The following KSR2 variants were observed in gnomAD, a reference collection of about 807,000 sequenced individuals.
The protein encoded by KSR2 is kinase suppressor of ras 2.
Under a neutral mutation model 107.8 loss-of-function variants are expected in KSR2, and 25 were observed. That is an observed-to-expected ratio of 0.23 (90% confidence interval 0.17 to 0.32). The LOEUF is 0.32. Ranked by LOEUF, KSR2 falls within the 10% of genes least tolerant of loss-of-function variation. The probability of loss-of-function intolerance (pLI) is 1.00; values close to 1 mark genes in which losing one functional copy is unlikely to be tolerated. For synonymous variants in KSR2, 480 were observed against 507.0 expected, an observed-to-expected ratio of 0.95 and a Z score of 0.71; for missense variants, 887 against 1,268.9, an observed-to-expected ratio of 0.70 and a Z score of 4.57.
chr12:117,702,852 GC>G (rs1886380289), intron 4 of KSR2, among the ~76,000 whole-genome samples: 1 of 152,160 alleles, frequency 6.6e-6, no homozygotes, highest in East Asian at 1.9e-4. Flanking sequence ...AGGATACTTA[GC>G]TCAGAATGAG....
In KSR2 at chr12:117,467,051, G is replaced by T; in HGVS notation, c.*148C>A. ...CTCAAGTCTGAGGTGCAGGGAGGCC[G>T]CCGAGCAGTTGTCCAGTGCTCCCAG... On this transcript the variant is annotated 3_prime_UTR_variant, in exon 20 of 20. Coordinates refer to ENST00000339824, the MANE Select transcript of KSR2 (RefSeq NM_173598.6). 4.0e-6 allele frequency: 2 copies of T among 496,122 alleles called. No homozygotes were observed. The allele number at this position is 496,122 out of a possible 1,614,324, so 30.7% of individuals were successfully genotyped here.
At chr12:117,844,420 G>A (rs1486222935) in intron 3 of KSR2, among the ~76,000 whole-genome samples, 2 of 151,258 alleles carry the variant, frequency 1.3e-5, no homozygotes, top group Non-Finnish European at 2.9e-5. Context: ...TGAGTTTGCA[G>A]GATAACAGAT....
At chr12:117,767,256 C>CA (rs1566003635) in intron 3 of KSR2, among the ~76,000 whole-genome samples, 6 of 83,762 alleles carry the variant, frequency 7.2e-5, no homozygotes, top group African/African-American at 3.8e-4. Context: ...TACTAAAAAT[C>CA]CAAAAAAAAA....
In KSR2 at chr12:117,629,033, T is replaced by A. The variant is rs75517843; in HGVS notation, c.1171+38441A>T. ...CCAGGCATGGGAGAGAATCACCTTG[T>A]CTGCCAGTTGCTAAGACCTTGGGAA... On this transcript the variant is annotated intron_variant, in intron 5 of 19. Coordinates refer to ENST00000339824, the MANE Select transcript of KSR2 (RefSeq NM_173598.6). Among the ~76,000 whole-genome samples, 291 of 152,372 alleles carry A rather than the reference T, an allele frequency of 1.9e-3. 6 individuals are homozygous for A. In the East Asian group the frequency reaches 0.05, roughly 26 times the overall value.
chr12:117,667,362 G>T, intron 5 of KSR2, 112 bp downstream of exon 5: 1 of 1,024,436 alleles, frequency 9.8e-7, no homozygotes, highest in Non-Finnish European at 1.5e-6. Context: ...CATTTCACAA[G>T]CCCTTGAGAT....
At chr12:117,741,716 T>G (rs1314812770) in intron 4 of KSR2, among the ~76,000 whole-genome samples, 1 of 152,182 alleles carries the variant, frequency 6.6e-6, no homozygotes, top group Non-Finnish European at 1.5e-5. Context: ...ATAGTGTTAC[T>G]ATTATTAAAA....
intron 1 of KSR2, among the ~76,000 whole-genome samples, chr12:117,925,432 CT>C (rs1250905085): frequency 6.6e-6 from 1 of 152,088 alleles, no homozygotes; most frequent in African/African-American, 2.4e-5. Flanking sequence ...CTTATATTTT[CT>C]TTTATATTTA....
chr12:117,856,047 C>T (rs1893092122), intron 2 of KSR2, among the ~76,000 whole-genome samples: 1 of 152,136 alleles, frequency 6.6e-6, no homozygotes, highest in African/African-American at 2.4e-5. Context: ...TCTGCTTCCT[C>T]TCTTCTCTGG....
At chr12:117,836,753 T>TGGCAAGCACCA (rs1892230978) in intron 3 of KSR2, among the ~76,000 whole-genome samples, 2 of 152,180 alleles carry the variant, frequency 1.3e-5, no homozygotes, top group Non-Finnish European at 2.9e-5. Flanking sequence ...GCAGGGAATG[T>TGGCAAGCACCA]GGCAAGCACC....
chr12:117,892,812 A>T (rs977863977), intron 1 of KSR2, among the ~76,000 whole-genome samples: 1 of 140,382 alleles, frequency 7.1e-6, no homozygotes, highest in African/African-American at 2.8e-5. Context: ...AAAAAAAAAA[A>T]TCAATCTCAT....
intron 17 of KSR2, among the ~76,000 whole-genome samples, chr12:117,476,179 A>G (rs1871763949): frequency 6.6e-6 from 1 of 152,256 alleles, no homozygotes; most frequent in African/African-American, 2.4e-5. Context: ...TGCATCTGCT[A>G]CAATCCTAGC....
At chr12:117,937,971 GA>G (rs771959105) in intron 1 of KSR2, among the ~76,000 whole-genome samples, 3,080 of 53,980 alleles carry the variant, frequency 0.057, 47 homozygotes, top group Middle Eastern at 0.23. Flanking sequence ...TCTGTCTCAA[GA>G]AAAAAAAAAA....
rs1874012599 is a variant in KSR2 at position 117,511,313 on chromosome 12, T to C, written c.2219+13539A>G. Among the ~76,000 whole-genome samples the C allele has an allele frequency of 3.3e-5, 5 of 152,218 alleles. No homozygotes were observed. In the South Asian group the frequency reaches 1.0e-3, roughly 32 times the overall value. ...TTCAAAATTTCTATATGGCAGAAAA[T>C]TCTTACAAATTTTACTTTATACCCA... On this transcript the variant is annotated intron_variant, in intron 14 of 19. Transcript: ENST00000339824.
At chr12:117,873,348 G>GAA (rs199514257) in intron 1 of KSR2, among the ~76,000 whole-genome samples, 125 of 82,650 alleles carry the variant, frequency 1.5e-3, no homozygotes, top group African/African-American at 3.7e-3. Context: ...TGTCTCAAAA[G>GAA]AAAAAAAAAA....
intron 4 of KSR2, among the ~76,000 whole-genome samples, chr12:117,694,190 C>T (rs895656273): frequency 4.6e-5 from 7 of 152,156 alleles, no homozygotes; most frequent in South Asian, 4.1e-4. Context: ...GGTTTGGCTG[C>T]GTCCACACCC....
intron 5 of KSR2, among the ~76,000 whole-genome samples, chr12:117,606,321 C>T (rs1881228135): frequency 7.3e-6 from 1 of 136,400 alleles, no homozygotes; most frequent in African/African-American, 2.7e-5. Context: ...TCCTTCCCTA[C>T]TTTCTTCCTT....
At chr12:117,782,602 G>A (rs536256979) in intron 3 of KSR2, among the ~76,000 whole-genome samples, 2 of 152,184 alleles carry the variant, frequency 1.3e-5, no homozygotes, top group South Asian at 2.1e-4. Flanking sequence ...TATGTGCCAC[G>A]AACTATGCTA....
In KSR2 at chr12:117,466,948, C is replaced by G. The variant is rs1871174667; in HGVS notation, c.*251G>C. ...CATTAGTGCTGTCCCCTGGGCCGCA[C>G]TGATCAATAACGCATCACCCTGGCT... On this transcript the variant is annotated 3_prime_UTR_variant, in exon 20 of 20. Coordinates refer to ENST00000339824, the MANE Select transcript of KSR2 (RefSeq NM_173598.6). 1 of 440,202 alleles carries G rather than the reference C, an allele frequency of 2.3e-6. No homozygotes were observed. Among genetic ancestry groups the G allele is most frequent in the Non-Finnish European group, 4.0e-6 (1 of 250,944 alleles). The allele number at this position is 440,202 out of a possible 1,614,324, so 27.3% of individuals were successfully genotyped here. A position where few individuals can be genotyped will look rare whatever the true frequency, so the allele number is the denominator to read the frequency against.
At position 117,883,475 on chromosome 12, in the gene KSR2, C is replaced by G. The variant is rs976539177; in HGVS notation, c.181-23044G>C. ...AGGCTTGGTCCCTGCCCCCATGGAACTTCTATTTGATAAGTGCTATGGTGG... is the reference window on the plus strand; with the variant it reads ...AGGCTTGGTCCCTGCCCCCATGGAAGTTCTATTTGATAAGTGCTATGGTGG... On this transcript the variant is annotated intron_variant, in intron 1 of 19. Coordinates refer to ENST00000339824, the MANE Select transcript of KSR2 (RefSeq NM_173598.6). Among the ~76,000 whole-genome samples, 3 of 152,108 alleles carry G rather than the reference C, an allele frequency of 2.0e-5. No homozygotes were observed. In the East Asian group the frequency reaches 5.8e-4, roughly 29 times the overall value.
Sources: gnomAD v4.1 joint callset for allele counts (sites outside exome capture counted in the v4.1 genomes callset) on GRCh38, gnomAD v4.1.1 for gene constraint, MANE v1.5 for transcripts, NCBI Gene and HGNC (gene_info 2026-07-23, HGNC 2026-07-21) for gene names.